Variants in PTPRN2 observed in about 807,000 individuals in gnomAD.
PTPRN2 encodes protein tyrosine phosphatase receptor type N2.
Under a neutral mutation model 118.8 loss-of-function variants are expected in PTPRN2, and 74 were observed. That is an observed-to-expected ratio of 0.62 (90% CI 0.52 to 0.76). The LOEUF (loss-of-function observed/expected upper bound fraction) is 0.76, where lower values mean the gene tolerates loss of function less well. Ranked by LOEUF, PTPRN2 falls within the 30% of genes least tolerant of loss-of-function variation. The pLI is 0.00. For synonymous variants in PTPRN2, 641 were observed against 608.0 expected, an observed-to-expected ratio of 1.05 and a Z score of -0.80; for missense variants, 1,481 against 1,394.4, an observed-to-expected ratio of 1.06 and a Z score of -0.99.
intron 2 of PTPRN2, among the ~76,000 whole-genome samples, chr7:158,326,954 TGCACACAC>T (rs1350074785): frequency 6.8e-6 from 1 of 147,990 alleles, no homozygotes; most frequent in Non-Finnish European, 1.5e-5. Flanking sequence ...TTTTCACACA[TGCACACAC>T]GCACACATTC....
chr7:158,336,720 C>T, intron 2 of PTPRN2, among the ~76,000 whole-genome samples: 1 of 121,874 alleles, frequency 8.2e-6, no homozygotes, highest in African/African-American at 3.0e-5. Context: ...ACACTCTCAC[C>T]AAAAGAGCTG....
At position 158,424,813 on chromosome 7, in the gene PTPRN2, G is replaced by A. The variant is rs536973326; in HGVS notation, c.163+64922C>T. On this transcript the variant is annotated intron_variant, in intron 2 of 22. Transcript: ENST00000389418. Reference sequence around the variant, plus strand: ...CACGCCAGGTGTGCTCAGCACCCTCGAGAAGGTCCGGGGACCTCGGGGCCC... The same window carrying A: ...CACGCCAGGTGTGCTCAGCACCCTCAAGAAGGTCCGGGGACCTCGGGGCCC... Among the ~76,000 whole-genome samples the A allele has an allele frequency of 7.7e-4, 114 of 148,040 alleles. 1 individual carries two copies. The highest frequency in any genetic ancestry group is 7.2e-3 in the Middle Eastern group (2 of 276).
Position 158,332,558 on chromosome 7 carries a change from G to C in PTPRN2, c.164-15626C>G, listed in dbSNP as rs1300043672. The stretch of plus-strand genomic sequence containing the variant: ...TCACATCCATACTCTCACCATAAGA[G>C]GTGACACCTGCAGACGTCACTCACA... On this transcript the variant is annotated intron_variant, in intron 2 of 22. Coordinates refer to ENST00000389418, the MANE Select transcript of PTPRN2 (RefSeq NM_002847.5). Among the ~76,000 whole-genome samples the C allele has an allele frequency of 1.3e-5, 2 of 151,124 alleles. 1 individual carries two copies. Among genetic ancestry groups the C allele is most frequent in the Non-Finnish European group, 2.9e-5 (2 of 67,900 alleles).
chr7:157,911,590 G>A (rs1296503853), intron 11 of PTPRN2, among the ~76,000 whole-genome samples: 1 of 152,180 alleles, frequency 6.6e-6, no homozygotes, highest in South Asian at 2.1e-4. Flanking sequence ...AGATACCAAA[G>A]AATATTATAA....
intron 13 of PTPRN2, among the ~76,000 whole-genome samples, chr7:157,658,002 CCA>C (rs1476165719): frequency 1.3e-5 from 2 of 150,968 alleles, no homozygotes; most frequent in Non-Finnish European, 3.0e-5. Flanking sequence ...GACACACACA[CCA>C]CACACACATA....
chr7:157,793,893 G>A (rs73506268), intron 12 of PTPRN2, among the ~76,000 whole-genome samples: 10,031 of 152,172 alleles, frequency 0.066, 1,134 homozygotes, highest in African/African-American at 0.23. Flanking sequence ...GGGACCCCAG[G>A]GCTGACCTGC....
Position 157,952,592 on chromosome 7 carries a change from G to T in PTPRN2, c.1724-53855C>A, listed in dbSNP as rs115049270. 8.7e-3 allele frequency among the ~76,000 whole-genome samples: 1,318 copies of T among 152,162 alleles called. 35 individuals carry two copies. The highest frequency in any genetic ancestry group is 0.031 in the African/African-American group (1,268 of 41,494). On this transcript the variant is annotated intron_variant, in intron 11 of 22. Transcript: ENST00000389418. The stretch of plus-strand genomic sequence containing the variant: ...GTGGTGCAGAGCTGTGGGTCTAGGG[G>T]TGAGGGAGCCATCATCTCATCTCAC...
chr7:158,186,396 G>A (rs1825141388), intron 5 of PTPRN2, among the ~76,000 whole-genome samples: 1 of 152,178 alleles, frequency 6.6e-6, no homozygotes, highest in South Asian at 2.1e-4. Flanking sequence ...ATGTGGTCGG[G>A]GTGGGAGGAG....
intron 10 of PTPRN2, among the ~76,000 whole-genome samples, chr7:158,089,960 C>T (rs183215758): frequency 0.035 from 949 of 27,126 alleles, 115 homozygotes; most frequent in African/African-American, 0.07. Context: ...CCTCCCCTGA[C>T]GAAAGAGGGA....
rs1214806213 is a variant in PTPRN2 at position 158,522,458 on chromosome 7, A to G, written c.113-32673T>C. 5.7e-4 allele frequency among the ~76,000 whole-genome samples: 87 copies of G among 151,516 alleles called. 4 individuals are homozygous for G. The highest frequency in any genetic ancestry group is 1.9e-3 in the African/African-American group (79 of 41,126). ...ACATCGGAATGGTAGACTGTTTAGGAGAAAGGTCCACGTCAGAATGGTGGA... is the reference window on the plus strand; with the variant it reads ...ACATCGGAATGGTAGACTGTTTAGGGGAAAGGTCCACGTCAGAATGGTGGA... On this transcript the variant is annotated intron_variant, in intron 1 of 22. Coordinates refer to ENST00000389418, the MANE Select transcript of PTPRN2 (RefSeq NM_002847.5).
At chr7:158,167,417 G>A (rs534705081) in intron 5 of PTPRN2, 126 bp from the exon 6 acceptor site, 31 of 1,268,500 alleles carry the variant, frequency 2.4e-5, no homozygotes, top group South Asian at 1.3e-4. Flanking sequence ...GATGCCCTTC[G>A]GTCTCAGGTT....
intron 3 of PTPRN2, among the ~76,000 whole-genome samples, chr7:158,289,540 A>T (rs1799972523): frequency 2.0e-5 from 3 of 152,206 alleles, no homozygotes; most frequent in African/African-American, 7.2e-5. Flanking sequence ...TGGAATTTCT[A>T]ATTGCAGTCA....
chr7:158,572,431 C>T (rs1828090964), intron 1 of PTPRN2, among the ~76,000 whole-genome samples: 1 of 152,162 alleles, frequency 6.6e-6, no homozygotes, highest in African/African-American at 2.4e-5. Flanking sequence ...CCCTGACAGC[C>T]CTGACCCACC....
At chr7:158,120,484 C>T (rs1024624413) in intron 9 of PTPRN2, among the ~76,000 whole-genome samples, 11 of 152,182 alleles carry the variant, frequency 7.2e-5, no homozygotes, top group African/African-American at 2.7e-4. Flanking sequence ...CAGAACACTC[C>T]TTGTGGCTCA....
rs776447692 is a variant in PTPRN2 at position 158,133,649 on chromosome 7, CAGG to C, written c.1556+25_1556+27del. The C allele has an allele frequency of 1.5e-5, 23 of 1,536,236 alleles. No homozygotes were observed. The Middle Eastern group carries it at 8.9e-4, about 60-fold the overall frequency. On this transcript the variant is annotated intron_variant, in intron 9 of 22. Coordinates refer to ENST00000389418, the MANE Select transcript of PTPRN2 (RefSeq NM_002847.5). ...CTGGGACAAGCCCTCCCTCGGCACA[CAGG>C]AGCTTAGCCAGGGCTGCTACTCACT... is the stretch of plus-strand genomic sequence containing the variant.
At position 158,071,845 on chromosome 7, in the gene PTPRN2, CGTGGTGGTGG is replaced by C. The variant is rs1396099585; in HGVS notation, c.1723+9443_1723+9452del. Among the ~76,000 whole-genome samples the C allele has an allele frequency of 5.5e-4, 18 of 33,016 alleles. 2 individuals carry two copies. Among genetic ancestry groups the C allele is most frequent in the Admixed American group, 3.9e-3 (12 of 3,096 alleles). 21.7% of individuals were successfully genotyped at this position (33,016 alleles called of 152,430 possible). ...TGGAGGTGCCCGTGGTGGAGGTGCT[CGTGGTGGTGG>C]AGGTGCTCGTCATATGGAGGTGCTC... On this transcript the variant is annotated intron_variant, in intron 11 of 22. Transcript: ENST00000389418.
In PTPRN2 at chr7:157,831,939, G is replaced by A. The variant is rs554151040; in HGVS notation, c.1788+66734C>T. Among the ~76,000 whole-genome samples, 6 of 152,322 alleles carry A rather than the reference G, an allele frequency of 3.9e-5. No homozygotes were observed. Among genetic ancestry groups the A allele is most frequent in the South Asian group, 2.1e-4 (1 of 4,828 alleles). On this transcript the variant is annotated intron_variant, in intron 12 of 22. Coordinates refer to ENST00000389418, the MANE Select transcript of PTPRN2 (RefSeq NM_002847.5). This position sits in a 1 kb window ranked among gnomAD's most constrained non-coding sequence, Gnocchi z 4.8. ...AGAGCGGGGTAAGTTGTTGGAAAAC[G>A]GAAAGAAGTTTGTCTGGCAGTTGCT... is the stretch of plus-strand genomic sequence containing the variant.
chr7:157,691,880 C>CATGCT (rs1053642751), intron 12 of PTPRN2, among the ~76,000 whole-genome samples: 1 of 152,170 alleles, frequency 6.6e-6, no homozygotes, highest in Non-Finnish European at 1.5e-5. Context: ...GCCTCCCGCC[C>CATGCT]ATGCTCTCTC....
chr7:157,844,047 GTCA>G (rs1584847841), intron 12 of PTPRN2, among the ~76,000 whole-genome samples: 214 of 151,390 alleles, frequency 1.4e-3, no homozygotes, highest in South Asian at 3.3e-3. Flanking sequence ...GCCCCTCCAC[GTCA>G]TCGGTGTGGA....
Sources: allele counts gnomAD v4.1 joint callset (sites outside exome capture counted in the v4.1 genomes callset), GRCh38; gene constraint gnomAD v4.1.1; non-coding constraint Gnocchi (gnomAD v3.1); transcripts MANE v1.5; gene names NCBI Gene and HGNC (gene_info 2026-07-23, HGNC 2026-07-21).